NDUFA9: variants seen among roughly 807,000 people sequenced by gnomAD.
NDUFA9 encodes the protein NADH dehydrogenase [ubiquinone] 1 alpha subcomplex subunit 9, mitochondrial.
NDUFA9 carries 23 observed loss-of-function variants against 45.9 expected under a neutral mutation model. The ratio of observed to expected loss-of-function variants is 0.50; its 90% CI spans 0.36 to 0.71. The LOEUF (loss-of-function observed/expected upper bound fraction) is 0.71, where lower values mean the gene tolerates loss of function less well. Ranked by LOEUF, NDUFA9 falls within the 30% of genes least tolerant of loss-of-function variation. The pLI is 0.00. For synonymous variants in NDUFA9, 176 were observed against 170.5 expected (o/e 1.03, Z -0.25); for missense variants, 466 against 488.2 (o/e 0.95, Z 0.43).
Position 4,670,710 on chromosome 12 carries a change from A to G in NDUFA9, c.800+893A>G, listed in dbSNP as rs147509047. Among the ~76,000 whole-genome samples, 158 of 152,334 alleles carry G rather than the reference A, an allele frequency of 1.0e-3. 1 individual carries two copies. Among genetic ancestry groups the G allele is most frequent in the African/African-American group, 3.6e-3 (150 of 41,572 alleles). ...GTTTTCCATGTCAACTAGCAGCTGC[A>G]AAATATATTTCTCCTTTTCAGTTCC... On this transcript the variant is annotated intron_variant, in intron 8 of 10. Coordinates refer to ENST00000266544, the MANE Select transcript of NDUFA9 (RefSeq NM_005002.5).
At chr12:4,649,290 T>C in intron 1 of NDUFA9, 115 bp downstream of exon 1, 1 of 1,248,218 alleles carries the variant, frequency 8.0e-7, no homozygotes, top group Non-Finnish European at 1.1e-6. Context: ...ACACTCTGGT[T>C]TCTCTAGGTT....
chr12:4,685,546 G>A (rs1035854333), intron 10 of NDUFA9, among the ~76,000 whole-genome samples: 12 of 152,028 alleles, frequency 7.9e-5, no homozygotes, highest in African/African-American at 2.4e-4. Context: ...TTCTCTGCTT[G>A]ATCACTCCTG....
intron 7 of NDUFA9, 117 bp downstream of exon 7, chr12:4,668,641 G>A (rs1945867495): frequency 1.1e-6 from 1 of 919,786 alleles, no homozygotes; most frequent in Non-Finnish European, 1.8e-6. Flanking sequence ...GTCAACTTGT[G>A]TCAGCTAGCT....
chr12:4,669,674 A>G (rs752342061), intron 7 of NDUFA9, 67 bp from the exon 8 acceptor site: 10 of 978,586 alleles, frequency 1.0e-5, no homozygotes, highest in Non-Finnish European at 1.4e-5. Context: ...CTTTCTTTCT[A>G]TCTCTCCATC....
In NDUFA9 at chr12:4,680,727, C is replaced by T. The variant is rs909213574; in HGVS notation, c.801-1478C>T. 3.3e-5 allele frequency among the ~76,000 whole-genome samples: 5 copies of T among 152,242 alleles called. No individual in the cohort carries two copies. In the South Asian group the frequency reaches 1.0e-3, roughly 32 times the overall value. On this transcript the variant is annotated intron_variant, in intron 8 of 10. Coordinates refer to ENST00000266544, the MANE Select transcript of NDUFA9 (RefSeq NM_005002.5). ...GGCCTTTGTCTGATATTTCTCCTGGCTGATAGTTTCATGTTTTTTAGTAAA... is the reference window on the plus strand; with the variant it reads ...GGCCTTTGTCTGATATTTCTCCTGGTTGATAGTTTCATGTTTTTTAGTAAA...
At chr12:4,661,755 G>A (rs1945824314) in intron 5 of NDUFA9, among the ~76,000 whole-genome samples, 3 of 125,156 alleles carry the variant, frequency 2.4e-5, no homozygotes, top group Admixed American at 1.6e-4. Flanking sequence ...AGGAGCAGAT[G>A]AACAAAGAAC....
At chr12:4,670,430 C>G (rs527738234) in intron 8 of NDUFA9, among the ~76,000 whole-genome samples, 2 of 152,174 alleles carry the variant, frequency 1.3e-5, no homozygotes, top group Non-Finnish European at 2.9e-5. Context: ...GTATCAAATT[C>G]ACCTGGTAAG....
At chr12:4,672,584 T>G (rs936656309) in intron 8 of NDUFA9, among the ~76,000 whole-genome samples, 4 of 151,890 alleles carry the variant, frequency 2.6e-5, no homozygotes, top group Admixed American at 6.6e-5. Flanking sequence ...GAGTAGGTGG[T>G]TTTCCCCTCA....
At chr12:4,676,739 G>A (rs973586219) in intron 8 of NDUFA9, among the ~76,000 whole-genome samples, 6 of 152,160 alleles carry the variant, frequency 3.9e-5, no homozygotes, top group Admixed American at 6.5e-5. Context: ...GTAATTTGTA[G>A]ATTCAGTGCT....
intron 5 of NDUFA9, among the ~76,000 whole-genome samples, chr12:4,660,427 GTATA>G (rs1351105724): frequency 1.3e-5 from 2 of 152,160 alleles, no homozygotes; most frequent in Admixed American, 6.5e-5. Flanking sequence ...CAAGTAACTG[GTATA>G]TAGGGTTTCT....
chr12:4,685,133 C>G (rs753591731), intron 9 of NDUFA9, 126 bp from the exon 10 acceptor site: 30 of 852,800 alleles, frequency 3.5e-5, no homozygotes, highest in Non-Finnish European at 5.3e-5. Context: ...TGGTTATTTT[C>G]TTAAAAAAAA....
chr12:4,662,717 T>C, intron 6 of NDUFA9, 82 bp downstream of exon 6: 3 of 1,079,682 alleles, frequency 2.8e-6, no homozygotes, highest in South Asian at 1.4e-5. Flanking sequence ...TTTTCTCTGA[T>C]TGACAGACTA....
In NDUFA9 at chr12:4,688,612, A is replaced by G. The variant is rs1459710076; in HGVS notation, c.*1504A>G. The G allele has an allele frequency of 1.3e-5, 2 of 152,188 alleles. No individual in the cohort carries two copies. Among genetic ancestry groups the G allele is most frequent in the Non-Finnish European group, 2.9e-5 (2 of 68,040 alleles). 9.4% of individuals were successfully genotyped at this position (152,188 alleles called of 1,614,324 possible). A position where few individuals can be genotyped will look rare whatever the true frequency, so the allele number is the denominator to read the frequency against. On this transcript the variant is annotated 3_prime_UTR_variant, in exon 11 of 11. Transcript: ENST00000266544. ...CAGTATGAGAAGCACTGCCATACAG[A>G]AGAGCTGTATCAGAGTTCAGTGTGA...
Position 4,654,333 on chromosome 12 carries a change from C to T in NDUFA9, c.91C>T (p.Pro31Ser). 1.2e-6 allele frequency: 2 copies of T among 1,614,092 alleles called. No individual in the cohort carries two copies. The highest frequency in any genetic ancestry group is 8.5e-7 in the Non-Finnish European group (1 of 1,179,982). ...AATAGCCACATCTGTGTGTCACGGC[C>T]CACCCTGTCGCCAGCTTCATCATGC... Reference protein sequence around the residue: ...TAIATSVCHGPPCRQLHHALM... With the variant: ...TAIATSVCHGSPCRQLHHALM... The change falls in exon 2 of 11, where the codon CCA becomes TCA. Residue 31 changes from proline to serine, a missense_variant. Pro to Ser is a moderately conservative substitution (Grantham distance 74). Coordinates refer to ENST00000266544, the MANE Select transcript of NDUFA9 (RefSeq NM_005002.5).
At chr12:4,681,489 C>CT (rs890421504) in intron 8 of NDUFA9, among the ~76,000 whole-genome samples, 19 of 143,476 alleles carry the variant, frequency 1.3e-4, no homozygotes, top group South Asian at 4.4e-4. Flanking sequence ...CATGAGATAC[C>CT]TTTTTTTTTT....
In NDUFA9 at chr12:4,654,278, G is replaced by A; in HGVS notation, c.50-14G>A. 5.0e-6 allele frequency: 8 copies of A among 1,604,134 alleles called. No homozygotes were observed. The highest frequency in any genetic ancestry group is 6.8e-6 in the Non-Finnish European group (8 of 1,172,792). On this transcript the variant is annotated splice_polypyrimidine_tract_variant and intron_variant, in intron 1 of 10. Transcript: ENST00000266544. Reference sequence around the variant, plus strand: ...ATATTTGCCATGCTTGTATACTTTGGGGTTTTGTTTAAGGTTCTGCCATTA... The same window carrying A: ...ATATTTGCCATGCTTGTATACTTTGAGGTTTTGTTTAAGGTTCTGCCATTA...
chr12:4,674,269 A>G (rs1231573636), intron 8 of NDUFA9, among the ~76,000 whole-genome samples: 1 of 152,234 alleles, frequency 6.6e-6, no homozygotes, highest in African/African-American at 2.4e-5. Context: ...ACTAACGGGC[A>G]AAATAACCAG....
chr12:4,653,683 G>T, intron 1 of NDUFA9: 1 of 406,826 alleles, frequency 2.5e-6, no homozygotes, highest in Non-Finnish European at 4.7e-6. Flanking sequence ...TTTATAGTAA[G>T]TCTGAACTAT....
At chr12:4,669,384 G>T (rs1010056883) in intron 7 of NDUFA9, among the ~76,000 whole-genome samples, 1 of 152,226 alleles carries the variant, frequency 6.6e-6, no homozygotes, top group African/African-American at 2.4e-5. Context: ...TAAGAGATGA[G>T]CTTGGCAAGT....
Sources: allele counts gnomAD v4.1 joint callset (sites outside exome capture counted in the v4.1 genomes callset), GRCh38; gene constraint gnomAD v4.1.1; transcripts MANE v1.5; gene names NCBI Gene and HGNC (gene_info 2026-07-23, HGNC 2026-07-21).